GRIA3: variants seen among roughly 807,000 people sequenced by gnomAD.
GRIA3 encodes glutamate receptor 3.
GRIA3 carries 3 observed loss-of-function variants against 63.0 expected under a neutral mutation model. That is an observed-to-expected ratio of 0.05 (90% confidence interval 0.02 to 0.12). GRIA3 has a LOEUF of 0.12. Ranked by LOEUF, GRIA3 falls within the 10% of genes least tolerant of loss-of-function variation. The pLI is 1.00. For missense variants in GRIA3, 347 were observed against 700.9 expected, an observed-to-expected ratio of 0.50 and a Z score of 5.70; for synonymous variants, 274 against 257.9, an observed-to-expected ratio of 1.06 and a Z score of -0.60.
intron 2 of GRIA3, among the ~76,000 whole-genome samples, chrX:123,244,003 T>C (rs920608042): frequency 6.2e-5 from 7 of 112,741 alleles, no homozygotes; most frequent in Non-Finnish European, 1.3e-4. Context: ...CCAAAATACA[T>C]GTGTTCATAT....
intron 3 of GRIA3, among the ~76,000 whole-genome samples, chrX:123,287,668 G>T (rs954857121): frequency 2.7e-5 from 3 of 111,469 alleles, no homozygotes; most frequent in Non-Finnish European, 3.8e-5. Flanking sequence ...ATTCACAATT[G>T]CTACAAACAG....
intron 3 of GRIA3, among the ~76,000 whole-genome samples, chrX:123,300,198 G>A (rs1225015891): frequency 7.3e-5 from 8 of 109,463 alleles, no homozygotes; most frequent in Non-Finnish European, 1.5e-4. Context: ...TTTTATTGTT[G>A]TGTCGTTACC....
At chrX:123,297,034 A>G (rs907862722) in intron 3 of GRIA3, among the ~76,000 whole-genome samples, 1 of 111,421 alleles carries the variant, frequency 9.0e-6, no homozygotes, top group African/African-American at 3.3e-5. Flanking sequence ...AAAGCATACC[A>G]ATTATGGAGA....
At chrX:123,408,182 T>C (rs1428497586) in intron 10 of GRIA3, among the ~76,000 whole-genome samples, 1 of 111,065 alleles carries the variant, frequency 9.0e-6, no homozygotes, top group Non-Finnish European at 1.9e-5. Flanking sequence ...GCCAGGTTGG[T>C]CTCAAACTCC....
At chrX:123,210,139 C>T (rs759819801) in intron 2 of GRIA3, among the ~76,000 whole-genome samples, 1 of 99,648 alleles carries the variant, frequency 1.0e-5, no homozygotes, top group Non-Finnish European at 2.0e-5. Flanking sequence ...ATGCTCAAAG[C>T]TCCATATTAA....
chrX:123,384,742 T>C (rs926765840), intron 5 of GRIA3, among the ~76,000 whole-genome samples: 2 of 112,746 alleles, frequency 1.8e-5, no homozygotes, highest in Non-Finnish European at 3.7e-5. Flanking sequence ...ATTTCTCTAA[T>C]GATCAGCAAT....
chrX:123,340,719 G>T (rs2045003248), intron 4 of GRIA3, among the ~76,000 whole-genome samples: 1 of 112,122 alleles, frequency 8.9e-6, no homozygotes, highest in Admixed American at 9.5e-5. Context: ...ATCATTTGGA[G>T]ACTAACTCTC....
At chrX:123,298,807 A>G (rs761203734) in intron 3 of GRIA3, among the ~76,000 whole-genome samples, 3 of 111,353 alleles carry the variant, frequency 2.7e-5, no homozygotes, top group South Asian at 7.5e-4. Context: ...ATCTTTGCCC[A>G]TGCCTATGTT....
chrX:123,389,495 TAA>T (rs770276811), intron 5 of GRIA3, among the ~76,000 whole-genome samples: 1 of 111,416 alleles, frequency 9.0e-6, no homozygotes, highest in South Asian at 3.8e-4. Flanking sequence ...GTTTTTGACT[TAA>T]GTCTGTTTTT....
At chrX:123,345,625 T>C (rs759723518) in intron 4 of GRIA3, among the ~76,000 whole-genome samples, 12 of 111,043 alleles carry the variant, frequency 1.1e-4, no homozygotes, top group African/African-American at 3.9e-4. Context: ...CCAGCTTCTC[T>C]TCTCTTGTCC....
intron 10 of GRIA3, among the ~76,000 whole-genome samples, chrX:123,411,697 C>T (rs2045507418): frequency 9.0e-6 from 1 of 111,400 alleles, no homozygotes; most frequent in Non-Finnish European, 1.9e-5. Flanking sequence ...AGTGTGTTTA[C>T]TGAGCCCACA....
chrX:123,365,263 A>T (rs767003624), intron 5 of GRIA3, among the ~76,000 whole-genome samples: 2 of 111,869 alleles, frequency 1.8e-5, no homozygotes, highest in Admixed American at 9.5e-5. Flanking sequence ...TTAATAATTA[A>T]AAAAGAAAGA....
chrX:123,314,281 C>T (rs2044817414), intron 3 of GRIA3, among the ~76,000 whole-genome samples: 2 of 111,945 alleles, frequency 1.8e-5, no homozygotes, highest in African/African-American at 6.5e-5. Context: ...CCTCTCATGG[C>T]ATCTGTTAAG....
intron 3 of GRIA3, among the ~76,000 whole-genome samples, chrX:123,293,603 A>G (rs1035285385): frequency 4.5e-5 from 5 of 110,063 alleles, no homozygotes; most frequent in African/African-American, 1.7e-4. Context: ...GGAGTAGAAG[A>G]AAGGGACTAG....
chrX:123,409,007 C>T (rs900048968), intron 10 of GRIA3, among the ~76,000 whole-genome samples: 1 of 111,862 alleles, frequency 8.9e-6, no homozygotes, highest in Admixed American at 9.5e-5. Context: ...CTATCAATGA[C>T]AGAAATGGAG....
rs1287493240 is a variant in GRIA3 at position 123,326,032 on chromosome X, C to G, written c.515C>G (p.Ser172Cys). 5 of 1,204,860 alleles carry G rather than the reference C, an allele frequency of 4.1e-6. No homozygotes were observed. The African/African-American group carries it at 7.0e-5, about 17-fold the overall frequency. ...CTGTTTTTCCTTCCTTCAGGATTTT[C>G]CATCCTCCAAGCGATTATGGAAGCA... ...VYLYDTERGF[S>C]ILQAIMEAAV... The change falls in exon 4 of 16, where the codon TCC becomes TGC. Residue 172 changes from serine (S) to cysteine (C), a missense_variant. Transcript: ENST00000620443.
chrX:123,326,323 G>T, intron 4 of GRIA3, 110 bp downstream of exon 4: 89 of 426,221 alleles, frequency 2.1e-4, no homozygotes, highest in Middle Eastern at 6.5e-4. Flanking sequence ...CGTGCCAACA[G>T]TTTTTGATAG....
At chrX:123,483,469 A>G (rs1026235427) in intron 15 of GRIA3, among the ~76,000 whole-genome samples, 1 of 112,430 alleles carries the variant, frequency 8.9e-6, no homozygotes, top group African/African-American at 3.2e-5. Flanking sequence ...AAAAAGAATG[A>G]CAAATTTTAC....
At chrX:123,428,173 A>T in intron 12 of GRIA3, 34 bp downstream of exon 12, 1 of 948,547 alleles carries the variant, frequency 1.1e-6, no homozygotes, top group Non-Finnish European at 1.5e-6. Flanking sequence ...GCCTGCTGAT[A>T]TTTATTTTAT....
Sources: allele counts gnomAD v4.1 joint callset (sites outside exome capture counted in the v4.1 genomes callset), GRCh38; gene constraint gnomAD v4.1.1; transcripts MANE v1.5; gene names NCBI Gene and HGNC (gene_info 2026-07-23, HGNC 2026-07-21).